Variants in CRYL1 observed in about 807,000 individuals in gnomAD.
CRYL1 encodes lambda-crystallin homolog.
Under a neutral mutation model 36.6 loss-of-function variants are expected in CRYL1, and 29 were observed. The observed-to-expected ratio is 0.79, with a 90% CI of 0.59 to 1.08. The LOEUF is 1.08. Ranked by LOEUF, CRYL1 falls within the 50% of genes least tolerant of loss-of-function variation. The probability of loss-of-function intolerance (pLI) is 0.00; values close to 1 mark genes in which losing one functional copy is unlikely to be tolerated. For synonymous variants in CRYL1, 152 were observed against 151.5 expected, an observed-to-expected ratio of 1.00 and a Z score of -0.02; for missense variants, 411 against 407.9, an observed-to-expected ratio of 1.01 and a Z score of -0.06.
intron 2 of CRYL1, among the ~76,000 whole-genome samples, chr13:20,496,802 G>A (rs2033611854): frequency 7.3e-6 from 1 of 136,164 alleles, no homozygotes; most frequent in East Asian, 2.1e-4. Context: ...CAGAGATCAT[G>A]CCACTGCACT....
rs34461619 is a variant in CRYL1 at position 20,499,345 on chromosome 13, CA to C, written c.150-9850del. Among the ~76,000 whole-genome samples the C allele has an allele frequency of 3.6e-3, 417 of 114,586 alleles. 1 individual carries two copies. The highest frequency in any genetic ancestry group is 9.0e-3 in the African/African-American group (256 of 28,368). 75.2% of individuals were successfully genotyped at this position (114,586 alleles called of 152,430 possible). A position where few individuals can be genotyped will look rare whatever the true frequency, so the allele number is the denominator to read the frequency against. On this transcript the variant is annotated intron_variant, in intron 2 of 7. Coordinates refer to ENST00000298248, the MANE Select transcript of CRYL1 (RefSeq NM_015974.3). ...TGGGCAACAGAGTGAGACCCTGTCT[CA>C]AAAAAAAAAAAAAAAAATGTGGCCG...
intron 2 of CRYL1, 105 bp downstream of exon 2, chr13:20,512,338 A>C (rs2033929960): frequency 1.2e-6 from 1 of 801,624 alleles, no homozygotes; most frequent in Non-Finnish European, 2.1e-6. Context: ...ATCAGACGAA[A>C]ATGTGACATC....
At position 20,432,245 on chromosome 13, in the gene CRYL1, T is replaced by A. The variant is rs767091503; in HGVS notation, c.490A>T (p.Thr164Ser). The change falls in exon 5 of 8, where the codon ACG becomes TCG. Residue 164 changes from threonine to serine, a missense_variant. Coordinates refer to ENST00000298248, the MANE Select transcript of CRYL1 (RefSeq NM_015974.3). ...GTTCTGTCCACTGTCGTAGGGGCCG[T>A]CTCCGGGTGGGGGACCAGCTCAACC... is the stretch of plus-strand genomic sequence containing the variant. ...PLVELVPHPE[T>S]APTTVDRTHA... The A allele has an allele frequency of 6.8e-6, 11 of 1,612,534 alleles. No individual in the cohort carries two copies. The highest frequency in any genetic ancestry group is 7.6e-6 in the Non-Finnish European group (9 of 1,179,726).
intron 3 of CRYL1, among the ~76,000 whole-genome samples, chr13:20,469,949 C>T (rs2033020107): frequency 6.6e-6 from 1 of 152,160 alleles, no homozygotes; most frequent in South Asian, 2.1e-4. Context: ...GGGAGGGACA[C>T]AGCATTCATG....
At chr13:20,518,957 T>C (rs2034048406) in intron 1 of CRYL1, among the ~76,000 whole-genome samples, 1 of 152,110 alleles carries the variant, frequency 6.6e-6, no homozygotes. Context: ...GAGCAGATGT[T>C]AGGAGGGAAG....
chr13:20,465,414 C>T (rs1048818442), intron 3 of CRYL1, among the ~76,000 whole-genome samples: 2 of 152,172 alleles, frequency 1.3e-5, no homozygotes, highest in Non-Finnish European at 2.9e-5. Context: ...CACAAGATGT[C>T]AAAGGTGCCC....
At chr13:20,410,593 G>A (rs1360031133) in intron 6 of CRYL1, among the ~76,000 whole-genome samples, 2 of 152,088 alleles carry the variant, frequency 1.3e-5, no homozygotes, top group East Asian at 3.8e-4. Flanking sequence ...CTCTGCACTT[G>A]TGAATCTTTT....
intron 1 of CRYL1, among the ~76,000 whole-genome samples, chr13:20,518,098 C>T (rs578183697): frequency 1.9e-4 from 29 of 152,020 alleles, no homozygotes; most frequent in African/African-American, 5.3e-4. Flanking sequence ...GTGAAAAATA[C>T]GAGATAACGG....
At chr13:20,413,702 G>T (rs1309500258) in intron 5 of CRYL1, among the ~76,000 whole-genome samples, 2 of 152,120 alleles carry the variant, frequency 1.3e-5, no homozygotes, top group African/African-American at 2.4e-5. Flanking sequence ...ATAATTTTGT[G>T]CATGAAATAG....
intron 3 of CRYL1, among the ~76,000 whole-genome samples, chr13:20,464,645 A>T (rs2032896357): frequency 6.6e-6 from 1 of 152,190 alleles, no homozygotes. Flanking sequence ...GGCCATCTTA[A>T]TAGTGGGCTG....
intron 3 of CRYL1, among the ~76,000 whole-genome samples, chr13:20,456,700 A>C (rs2032699701): frequency 6.6e-6 from 1 of 150,514 alleles, no homozygotes; most frequent in Non-Finnish European, 1.5e-5. Context: ...CTTCTTAGCA[A>C]CCCCAGCTCT....
chr13:20,493,477 T>C (rs1482466492), intron 2 of CRYL1, among the ~76,000 whole-genome samples: 1 of 152,136 alleles, frequency 6.6e-6, no homozygotes, highest in Non-Finnish European at 1.5e-5. Context: ...CTGGCAAACA[T>C]GGTGAAACCC....
chr13:20,439,529 A>AAAT, intron 4 of CRYL1, 64 bp downstream of exon 4: 1 of 842,826 alleles, frequency 1.2e-6, no homozygotes, highest in Non-Finnish European at 1.6e-6. Context: ...AAAAAAAAAA[A>AAAT]AGAAAAAAAA....
intron 5 of CRYL1, chr13:20,430,155 C>G (rs2032025100): frequency 1.0e-6 from 1 of 981,132 alleles, no homozygotes. Flanking sequence ...CTAGAGCTGC[C>G]TTGGGCCCCA....
At position 20,432,084 on chromosome 13, in the gene CRYL1, GA is replaced by G. The variant is rs1486590999; in HGVS notation, c.633+17del. On this transcript the variant is annotated intron_variant, in intron 5 of 7. Transcript: ENST00000298248. Reference sequence around the variant, plus strand: ...GGAGAAAGGAAGGGAGGGAGGGAGAGAGGACGGGCACACACACCTCCACTAG... The same window carrying G: ...GGAGAAAGGAAGGGAGGGAGGGAGAGGGACGGGCACACACACCTCCACTAG... The G allele has an allele frequency of 6.2e-7, 1 of 1,613,894 alleles. No individual in the cohort carries two copies. The highest frequency in any genetic ancestry group is 1.3e-5 in the African/African-American group (1 of 74,898).
chr13:20,470,354 C>A, intron 3 of CRYL1, among the ~76,000 whole-genome samples: 1 of 152,202 alleles, frequency 6.6e-6, no homozygotes, highest in Non-Finnish European at 1.5e-5. Flanking sequence ...GGGAAGGAGA[C>A]CACACCAAGC....
chr13:20,418,714 C>G (rs1318721064), intron 5 of CRYL1: 2 of 152,212 alleles, frequency 1.3e-5, no homozygotes, highest in African/African-American at 4.8e-5. Context: ...TTCCCCCAAA[C>G]TTGGTCCTGA....
At position 20,525,497 on chromosome 13, in the gene CRYL1, C is replaced by T. The variant is rs2137529732; in HGVS notation, c.41+257G>A. Among the ~76,000 whole-genome samples the T allele has an allele frequency of 6.6e-6, 1 of 152,298 alleles. No individual in the cohort carries two copies. Among genetic ancestry groups the T allele is most frequent in the East Asian group, 1.9e-4 (1 of 5,160 alleles). On this transcript the variant is annotated intron_variant, in intron 1 of 7. Transcript: ENST00000298248. This position sits in a 1 kb window ranked among gnomAD's most constrained non-coding sequence, Gnocchi z 4.3. The stretch of plus-strand genomic sequence containing the variant: ...GCCCCGCGGCCTGGGCGGTCAACCT[C>T]GGAACCTCCTGCAACGCTGGCTCCC...
chr13:20,421,087 A>G (rs2031800920), intron 5 of CRYL1, among the ~76,000 whole-genome samples: 1 of 152,104 alleles, frequency 6.6e-6, no homozygotes, highest in South Asian at 2.1e-4. Flanking sequence ...TGGAAAGGAA[A>G]GAGAGGAAAG....
Sources: gnomAD v4.1 joint callset for allele counts (sites outside exome capture counted in the v4.1 genomes callset) on GRCh38, gnomAD v4.1.1 for gene constraint, Gnocchi (gnomAD v3.1) non-coding constraint, MANE v1.5 for transcripts, NCBI Gene and HGNC (gene_info 2026-07-23, HGNC 2026-07-21) for gene names.